The following NIN variants were observed in gnomAD, a reference collection of about 807,000 sequenced individuals.
NIN encodes the protein glycogen synthase kinase 3 beta-interacting protein.
In NIN, 137 loss-of-function variants were observed where a neutral mutation model predicts 257.6. That is an observed-to-expected ratio of 0.53 (90% CI 0.46 to 0.61). The LOEUF (loss-of-function observed/expected upper bound fraction) is 0.61, where lower values mean the gene tolerates loss of function less well. Among genes scored for constraint, NIN ranks in the 20% least tolerant of loss-of-function variants. The probability of loss-of-function intolerance (pLI) is 0.00; values close to 1 mark genes in which losing one functional copy is unlikely to be tolerated. For missense variants in NIN, 2,439 were observed against 2,501.2 expected (o/e 0.98, Z 0.53); for synonymous variants, 918 against 919.8 (o/e 1.00, Z 0.04).
chr14:50,778,786 T>C lies in NIN; in HGVS notation c.454A>G (p.Ser152Gly). The change falls in exon 6 of 31, where the codon AGT becomes GGT. Residue 152 changes from serine to glycine, a missense_variant. Physicochemically the swap from Ser to Gly is moderately conservative, Grantham distance 56. Transcript: ENST00000530997. Reference sequence around the variant, plus strand: ...TTACCTTCCGCTTCATACTCCTCACTGCGTTGCGTCTTCCAGTGCTAGAGA... The same window carrying C: ...TTACCTTCCGCTTCATACTCCTCACCGCGTTGCGTCTTCCAGTGCTAGAGA... ...DCSEHWKTQR[S>G]EEYEAEGQLR... 6.2e-7 allele frequency: 1 copy of C among 1,614,144 alleles called. No homozygotes were observed. The highest frequency in any genetic ancestry group is 8.5e-7 in the Non-Finnish European group (1 of 1,180,014).
At chr14:50,789,567 T>A (rs1280190215) in intron 5 of NIN, among the ~76,000 whole-genome samples, 8 of 152,106 alleles carry the variant, frequency 5.3e-5, no homozygotes, top group African/African-American at 1.9e-4. Flanking sequence ...CGAGACTCCA[T>A]CTCAAGAAAA....
chr14:50,815,825 T>C (rs1014443690), intron 3 of NIN, among the ~76,000 whole-genome samples: 2 of 152,142 alleles, frequency 1.3e-5, no homozygotes, highest in African/African-American at 4.8e-5. Flanking sequence ...CTGGCCAACA[T>C]GGAGAAAGCC....
At chr14:50,776,789 C>A (rs908234271) in intron 7 of NIN, among the ~76,000 whole-genome samples, 160 bp downstream of exon 7, 2 of 152,314 alleles carry the variant, frequency 1.3e-5, no homozygotes, top group Admixed American at 1.3e-4. Context: ...CACAACACAA[C>A]AAGAGCTCCT....
intron 28 of NIN, among the ~76,000 whole-genome samples, chr14:50,734,851 ATTT>A (rs761296440): frequency 1.5e-5 from 2 of 135,438 alleles, no homozygotes; most frequent in Non-Finnish European, 3.2e-5. Flanking sequence ...TAATTTTTGT[ATTT>A]TTTTTTTTTT....
chr14:50,738,367 A>G lies in NIN; in HGVS notation c.5629-81T>C. On this transcript the variant is annotated intron_variant, in intron 26 of 30. Transcript: ENST00000530997. The stretch of plus-strand genomic sequence containing the variant: ...AAACAACAAACATAGGGAAAGTTTT[A>G]ATTCAGTACTTGGGTCCTGTTTAAC... 7 of 1,228,290 alleles carry G rather than the reference A, an allele frequency of 5.7e-6. No individual in the cohort carries two copies. The Middle Eastern group carries it at 1.2e-3, about 203-fold the overall frequency. The allele number at this position is 1,228,290 out of a possible 1,614,324, so 76.1% of individuals were successfully genotyped here. A position where few individuals can be genotyped will look rare whatever the true frequency, so the allele number is the denominator to read the frequency against.
Position 50,772,955 on chromosome 14 carries a change from G to A in NIN, c.807C>T (p.Ser269=), listed in dbSNP as rs981859861. The A allele has an allele frequency of 1.2e-6, 2 of 1,608,536 alleles. No individual in the cohort carries two copies. The highest frequency in any genetic ancestry group is 1.7e-6 in the Non-Finnish European group (2 of 1,178,442). Residue 269 remains serine, a synonymous_variant, in exon 8 of 31, where the codon TCC becomes TCT. Coordinates refer to ENST00000530997, the MANE Select transcript of NIN (RefSeq NM_020921.4). ...TPYRQLKRHL[S]MQSFDESGRR... ...ACTTCTGCTTATTTTTTACCTGCAT[G>A]GAAAGGTGCCTTTTTAGTTGTCTAT...
intron 4 of NIN, 77 bp downstream of exon 4, chr14:50,806,660 C>T: frequency 3.9e-6 from 3 of 766,158 alleles, no homozygotes; most frequent in East Asian, 5.1e-5. Flanking sequence ...CCTTCATATA[C>T]ATGCTTCAAG....
At chr14:50,730,851 G>T in intron 28 of NIN, 1 of 1,191,764 alleles carries the variant, frequency 8.4e-7, no homozygotes. Flanking sequence ...ACAATCAACA[G>T]AAATAACATG....
At chr14:50,789,055 A>G (rs1027889423) in intron 5 of NIN, among the ~76,000 whole-genome samples, 17 of 152,200 alleles carry the variant, frequency 1.1e-4, no homozygotes, top group Admixed American at 7.2e-4. Flanking sequence ...TCAAAGGAAA[A>G]CTGCAATCAA....
intron 16 of NIN, 97 bp from the exon 17 acceptor site, chr14:50,760,456 T>TTC (rs2042232095): frequency 8.7e-7 from 1 of 1,153,122 alleles, no homozygotes; most frequent in African/African-American, 1.6e-5. Context: ...TTTTTTTTTT[T>TTC]TTCCCTACAA....
intron 4 of NIN, among the ~76,000 whole-genome samples, chr14:50,801,772 A>G (rs562972226): frequency 6.6e-6 from 1 of 152,368 alleles, no homozygotes; most frequent in East Asian, 1.9e-4. Context: ...TGAAACTAGG[A>G]AGGTCTGTTA....
chr14:50,816,508 T>C (rs2044904214), intron 3 of NIN, among the ~76,000 whole-genome samples: 1 of 152,172 alleles, frequency 6.6e-6, no homozygotes, highest in Non-Finnish European at 1.5e-5. Flanking sequence ...GATTCACTTT[T>C]GCATATTTGG....
Position 50,726,029 on chromosome 14 carries a change from C to G in NIN, c.6116G>C (p.Arg2039Pro), listed in dbSNP as rs774918630. ...CAGTTTCTGTTCAACTTCTATCATT[C>G]GTTCCTCCATGACAGTTACCAGTTG... The part of the protein sequence containing the change: ...QEQLVTVMEE[R>P]MIEVEQKLKL... The change falls in exon 30 of 31, where the codon CGA becomes CCA. Residue 2039 changes from arginine (R) to proline (P), a missense_variant. Around this residue, in one of 3 missense-constraint regions of NIN, gnomAD observed 2,043 missense variants for 2,050.2 expected, o/e 1.00. Coordinates refer to ENST00000530997, the MANE Select transcript of NIN (RefSeq NM_020921.4). The G allele has an allele frequency of 6.2e-7, 1 of 1,613,974 alleles. No individual in the cohort carries two copies. The highest frequency in any genetic ancestry group is 1.1e-5 in the South Asian group (1 of 91,068).
At chr14:50,761,018 G>T (rs564947437) in intron 16 of NIN, among the ~76,000 whole-genome samples, 28 of 152,186 alleles carry the variant, frequency 1.8e-4, no homozygotes, top group African/African-American at 4.6e-4. Flanking sequence ...ACACCTATCA[G>T]GTACTTGCAG....
rs538497345 is a variant in NIN at position 50,798,151 on chromosome 14, T to A, written c.266-5270A>T. 2.0e-5 allele frequency among the ~76,000 whole-genome samples: 3 copies of A among 152,332 alleles called. No homozygotes were observed. In the South Asian group the frequency reaches 6.2e-4, roughly 32 times the overall value. On this transcript the variant is annotated intron_variant, in intron 4 of 30. Transcript: ENST00000530997. ...CCAGCAAGCAGCCGCACCACACTTC[T>A]GTGTGCACTAAGCCCTTTCCAATTA...
At chr14:50,789,671 AT>A (rs900239189) in intron 5 of NIN, among the ~76,000 whole-genome samples, 2 of 152,148 alleles carry the variant, frequency 1.3e-5, no homozygotes, top group African/African-American at 2.4e-5. Context: ...GTCATTGAGA[AT>A]TTTTTTTCCT....
At chr14:50,725,599 T>C (rs895444001) in intron 30 of NIN, among the ~76,000 whole-genome samples, 2 of 152,088 alleles carry the variant, frequency 1.3e-5, no homozygotes, top group African/African-American at 4.8e-5. Context: ...GAGAAAAATC[T>C]GTTGATTCAC....
chr14:50,774,740 G>C (rs1405960450), intron 7 of NIN, among the ~76,000 whole-genome samples: 2 of 152,226 alleles, frequency 1.3e-5, no homozygotes, highest in Non-Finnish European at 2.9e-5. Context: ...AGCCAAATCA[G>C]TGCACAGCTT....
chr14:50,831,197 C>G (rs1413601598), upstream of NIN: 1 of 151,356 alleles, frequency 6.6e-6, no homozygotes. Flanking sequence ...AGGGCGACGC[C>G]GGCCCCGGCG....
Sources: gnomAD v4.1 joint callset for allele counts (sites outside exome capture counted in the v4.1 genomes callset) on GRCh38, gnomAD v4.1.1 for gene constraint, gnomAD v4.1.1 regional missense constraint, MANE v1.5 for transcripts, NCBI Gene and HGNC (gene_info 2026-07-23, HGNC 2026-07-21) for gene names.